Variants in PCCA observed in about 807,000 individuals in gnomAD.
The protein encoded by PCCA is propionyl-CoA carboxylase subunit alpha, also known as propionyl-CoA carboxylase alpha chain, mitochondrial.
PCCA carries 74 observed loss-of-function variants against 101.3 expected under a neutral mutation model. The observed-to-expected ratio is 0.73, with a 90% confidence interval of 0.61 to 0.89. The LOEUF (loss-of-function observed/expected upper bound fraction) is 0.89, where lower values mean the gene tolerates loss of function less well. Ranked by LOEUF, PCCA falls within the 40% of genes least tolerant of loss-of-function variation. The pLI is 0.00. For missense variants in PCCA, 891 were observed against 907.0 expected (o/e 0.98, Z 0.23); for synonymous variants, 294 against 313.6 (o/e 0.94, Z 0.66).
intron 6 of PCCA, among the ~76,000 whole-genome samples, chr13:100,180,166 C>G (rs1179184763): frequency 6.6e-6 from 1 of 152,138 alleles, no homozygotes; most frequent in Non-Finnish European, 1.5e-5. Context: ...TTCTGTATCA[C>G]TGTAACAACA....
Position 100,237,998 on chromosome 13 carries a change from G to A in PCCA, c.637+2120G>A, listed in dbSNP as rs572776162. On this transcript the variant is annotated intron_variant, in intron 8 of 23. Coordinates refer to ENST00000376285, the MANE Select transcript of PCCA (RefSeq NM_000282.4). ...TTGTTGCCCAGGTTGGAGTGCAGTGGTGCGATCTCTGCTCACTGCAACTTC... is the reference window on the plus strand; with the variant it reads ...TTGTTGCCCAGGTTGGAGTGCAGTGATGCGATCTCTGCTCACTGCAACTTC... Among the ~76,000 whole-genome samples, 4 of 150,014 alleles carry A rather than the reference G, an allele frequency of 2.7e-5. No homozygotes were observed. In the East Asian group the frequency reaches 7.9e-4, roughly 30 times the overall value.
rs2060166235 is a variant in PCCA at position 100,226,756 on chromosome 13, T to C, written c.601-9086T>C. Among the ~76,000 whole-genome samples the C allele has an allele frequency of 2.0e-5, 3 of 152,190 alleles. No homozygotes were observed. In the South Asian group the frequency reaches 6.2e-4, roughly 32 times the overall value. ...CCAGGCAGGGAAGGTACCAACATGG[T>C]AGTTTGGGGTGGCGGGCTGCCCATT... is the stretch of plus-strand genomic sequence containing the variant. On this transcript the variant is annotated intron_variant, in intron 7 of 23. Transcript: ENST00000376285.
At chr13:100,402,928 A>G (rs575660719) in intron 19 of PCCA, among the ~76,000 whole-genome samples, 7 of 152,306 alleles carry the variant, frequency 4.6e-5, no homozygotes, top group African/African-American at 1.7e-4. Context: ...AGAAAGTGGG[A>G]AGAAAAATTG....
intron 19 of PCCA, among the ~76,000 whole-genome samples, chr13:100,401,919 G>T (rs986665707): frequency 6.6e-6 from 1 of 152,092 alleles, no homozygotes; most frequent in Non-Finnish European, 1.5e-5. Flanking sequence ...TATTGGGATA[G>T]AATTTTAAGT....
chr13:100,492,771 GAGAAA>G (rs2084997326), intron 21 of PCCA, among the ~76,000 whole-genome samples: 1 of 151,080 alleles, frequency 6.6e-6, no homozygotes, highest in Non-Finnish European at 1.5e-5. Flanking sequence ...AGCAGAGAAG[GAGAAA>G]AGAAAAGGTG....
intron 6 of PCCA, among the ~76,000 whole-genome samples, chr13:100,194,122 A>G (rs2057937737): frequency 6.6e-6 from 1 of 152,102 alleles, no homozygotes; most frequent in Non-Finnish European, 1.5e-5. Flanking sequence ...TTTGCTCAGT[A>G]TTTGAAATAA....
At chr13:100,456,617 T>C (rs1178849653) in intron 21 of PCCA, among the ~76,000 whole-genome samples, 27 of 151,256 alleles carry the variant, frequency 1.8e-4, no homozygotes, top group Admixed American at 1.3e-3. Context: ...CACGTGATCG[T>C]AGAACAGGGG....
chr13:100,179,530 A>T (rs182060313), intron 6 of PCCA, among the ~76,000 whole-genome samples: 1 of 152,294 alleles, frequency 6.6e-6, no homozygotes, highest in Non-Finnish European at 1.5e-5. Flanking sequence ...TTGGTCATGA[A>T]TACTTGACTT....
chr13:100,344,735 C>T (rs1438939652), intron 18 of PCCA, among the ~76,000 whole-genome samples: 2 of 152,176 alleles, frequency 1.3e-5, no homozygotes, highest in Non-Finnish European at 2.9e-5. Flanking sequence ...TTGTCCTTTG[C>T]TTTATTGCAC....
chr13:100,432,742 C>T (rs1484230860), intron 20 of PCCA, among the ~76,000 whole-genome samples: 5 of 152,100 alleles, frequency 3.3e-5, no homozygotes, highest in Admixed American at 3.3e-4. Context: ...CTATTACTGC[C>T]TTCATCCTCC....
chr13:100,263,827 A>G (rs1223682434), intron 10 of PCCA, among the ~76,000 whole-genome samples: 1 of 47,366 alleles, frequency 2.1e-5, no homozygotes, highest in Non-Finnish European at 5.7e-5. Flanking sequence ...TATCATATAT[A>G]TGGTATCTGT....
intron 8 of PCCA, among the ~76,000 whole-genome samples, chr13:100,247,515 CT>C (rs147450398): frequency 0.51 from 63,229 of 123,400 alleles, 14,705 homozygotes; most frequent in East Asian, 0.69. Flanking sequence ...CGTGCCCGGC[CT>C]TTTTTTTTTT....
At chr13:100,227,466 T>G (rs1456957043) in intron 7 of PCCA, among the ~76,000 whole-genome samples, 1 of 152,202 alleles carries the variant, frequency 6.6e-6, no homozygotes, top group Admixed American at 6.5e-5. Flanking sequence ...TATTCACAGT[T>G]AAATAGTACT....
At chr13:100,307,330 T>G in intron 15 of PCCA, 70 bp downstream of exon 15, 1 of 1,029,292 alleles carries the variant, frequency 9.7e-7, no homozygotes. Flanking sequence ...AGTCTGAAAC[T>G]GGGCCTTTAT....
At chr13:100,174,292 G>C (rs989277988) in intron 6 of PCCA, among the ~76,000 whole-genome samples, 1 of 151,584 alleles carries the variant, frequency 6.6e-6, no homozygotes, top group African/African-American at 2.4e-5. Flanking sequence ...AAGCCCTGAG[G>C]GTTCTAAAAA....
At chr13:100,521,312 C>T (rs901451796) in intron 22 of PCCA, among the ~76,000 whole-genome samples, 1 of 152,230 alleles carries the variant, frequency 6.6e-6, no homozygotes, top group Non-Finnish European at 1.5e-5. Flanking sequence ...GCACGTGTGC[C>T]TGAAGTCCCG....
chr13:100,172,246 A>G (rs903898846), intron 6 of PCCA, among the ~76,000 whole-genome samples: 1 of 151,844 alleles, frequency 6.6e-6, no homozygotes. Flanking sequence ...ATTTATATAC[A>G]TTTCTACACA....
chr13:100,252,806 G>C (rs143179604), intron 8 of PCCA, among the ~76,000 whole-genome samples: 251 of 152,198 alleles, frequency 1.6e-3, no homozygotes, highest in African/African-American at 5.8e-3. Context: ...CTCTATCTCT[G>C]TTGCTAGCTG....
intron 21 of PCCA, among the ~76,000 whole-genome samples, chr13:100,458,442 C>T (rs1168370788): frequency 2.2e-3 from 10 of 4,618 alleles, no homozygotes; most frequent in South Asian, 7.5e-3. Context: ...CACACACATA[C>T]ACACACACAC....
Sources: allele counts gnomAD v4.1 joint callset (sites outside exome capture counted in the v4.1 genomes callset), GRCh38; gene constraint gnomAD v4.1.1; transcripts MANE v1.5; gene names NCBI Gene and HGNC (gene_info 2026-07-23, HGNC 2026-07-21).